Variants in TLK1 observed in about 807,000 individuals in gnomAD.
TLK1 encodes serine/threonine-protein kinase tousled-like 1.
In TLK1, 24 loss-of-function variants were observed where a neutral mutation model predicts 105.3. The ratio of observed to expected loss-of-function variants is 0.23; its 90% CI spans 0.17 to 0.32. The LOEUF (loss-of-function observed/expected upper bound fraction) is 0.32. Among genes scored for constraint, TLK1 ranks in the 10% least tolerant of loss-of-function variants. The probability of loss-of-function intolerance (pLI) is 1.00; values close to 1 mark genes in which losing one functional copy is unlikely to be tolerated. For missense variants in TLK1, 558 were observed against 910.5 expected, an observed-to-expected ratio of 0.61 and a Z score of 4.98; for synonymous variants, 321 against 310.4, an observed-to-expected ratio of 1.03 and a Z score of -0.36.
intron 3 of TLK1, among the ~76,000 whole-genome samples, chr2:171,079,909 C>T (rs942583394): frequency 2.6e-5 from 4 of 151,842 alleles, no homozygotes; most frequent in East Asian, 1.9e-4. Flanking sequence ...AAGAGGGATT[C>T]AACAGAAAAT....
At chr2:171,158,860 C>T (rs1241389687) in intron 1 of TLK1, among the ~76,000 whole-genome samples, 1 of 152,166 alleles carries the variant, frequency 6.6e-6, no homozygotes, top group Non-Finnish European at 1.5e-5. Flanking sequence ...AATGAAAGCT[C>T]AGCGTTGGGA....
At chr2:171,047,171 C>T (rs959093031) in intron 10 of TLK1, among the ~76,000 whole-genome samples, 11 of 152,066 alleles carry the variant, frequency 7.2e-5, no homozygotes, top group Non-Finnish European at 1.0e-4. Flanking sequence ...ATTCTAAAAA[C>T]GAATAGATAC....
chr2:170,999,800 C>A (rs1171599055), intron 18 of TLK1, among the ~76,000 whole-genome samples: 1 of 151,910 alleles, frequency 6.6e-6, no homozygotes, highest in Non-Finnish European at 1.5e-5. Flanking sequence ...CACTGTGTTG[C>A]CCAGGCTGAG....
At chr2:171,157,512 G>GA (rs1692286597) in intron 1 of TLK1, among the ~76,000 whole-genome samples, 1 of 152,182 alleles carries the variant, frequency 6.6e-6, no homozygotes, top group Non-Finnish European at 1.5e-5. Flanking sequence ...CCGAGGGAAA[G>GA]AAATCTATAC....
intron 2 of TLK1, among the ~76,000 whole-genome samples, chr2:171,114,343 C>T (rs1170386098): frequency 6.6e-6 from 1 of 152,146 alleles, no homozygotes; most frequent in Non-Finnish European, 1.5e-5. Context: ...AAGGGTAAGG[C>T]TTTTGAACTG....
chr2:171,178,731 A>G (rs1692876473), intron 1 of TLK1, among the ~76,000 whole-genome samples: 3 of 152,238 alleles, frequency 2.0e-5, no homozygotes, highest in Admixed American at 2.0e-4. Context: ...CTGCTGTAAT[A>G]TATATTGCTC....
chr2:171,071,905 C>T (rs965157389), intron 3 of TLK1, among the ~76,000 whole-genome samples: 2 of 152,108 alleles, frequency 1.3e-5, no homozygotes, highest in Admixed American at 6.6e-5. Context: ...ATATGGATTG[C>T]TATCTGGATT....
intron 1 of TLK1, among the ~76,000 whole-genome samples, chr2:171,181,922 G>A (rs750902947): frequency 2.6e-5 from 4 of 152,128 alleles, no homozygotes; most frequent in African/African-American, 4.8e-5. Flanking sequence ...ATCCAGCTAC[G>A]CCCCACAATC....
chr2:171,002,966 G>C (rs1684456407), intron 18 of TLK1, among the ~76,000 whole-genome samples: 1 of 151,464 alleles, frequency 6.6e-6, no homozygotes. Context: ...AGAGATAAAA[G>C]GGTATTTTGC....
At chr2:171,120,109 C>T (rs1690590620) in intron 1 of TLK1, among the ~76,000 whole-genome samples, 1 of 151,712 alleles carries the variant, frequency 6.6e-6, no homozygotes, top group African/African-American at 2.4e-5. Flanking sequence ...ATTAGCCGAG[C>T]GTGGTGGTGT....
In TLK1 at chr2:171,160,539, G is replaced by C; in HGVS notation, c.-111C>G. 1.3e-6 allele frequency: 2 copies of C among 1,538,930 alleles called. No individual in the cohort carries two copies. Among genetic ancestry groups the C allele is most frequent in the Non-Finnish European group, 1.7e-6 (2 of 1,147,978 alleles). Reference sequence around the variant, plus strand: ...CCGCGCTGAGGGCGAGCGAGAGAGCGAGGGCTGGGAGGGGAGAGTCAAGGG... The same window carrying C: ...CCGCGCTGAGGGCGAGCGAGAGAGCCAGGGCTGGGAGGGGAGAGTCAAGGG... On this transcript the variant is annotated 5_prime_UTR_variant, in exon 1 of 21. Coordinates refer to ENST00000431350, the MANE Select transcript of TLK1 (RefSeq NM_012290.5). The surrounding 1 kb of genome is among the most constrained non-coding windows in gnomAD (Gnocchi z 4.4).
At chr2:171,035,386 C>A (rs1224282152) in intron 11 of TLK1, among the ~76,000 whole-genome samples, 1 of 151,826 alleles carries the variant, frequency 6.6e-6, no homozygotes, top group African/African-American at 2.4e-5. Flanking sequence ...CACAAGCACT[C>A]TTCTCTTGTC....
chr2:171,115,233 G>A (rs183889887), intron 2 of TLK1, among the ~76,000 whole-genome samples: 3 of 139,636 alleles, frequency 2.1e-5, no homozygotes, highest in African/African-American at 8.4e-5. Context: ...GTGCAATGGC[G>A]CCATCTTGGC....
intron 1 of TLK1, among the ~76,000 whole-genome samples, chr2:171,132,494 A>G (rs1006915004): frequency 3.3e-5 from 5 of 152,240 alleles, no homozygotes; most frequent in Admixed American, 2.6e-4. Context: ...ACGTATTTGT[A>G]TAAGTTCACT....
At chr2:171,204,336 C>G (rs1693459812) in intron 1 of TLK1, among the ~76,000 whole-genome samples, 1 of 152,114 alleles carries the variant, frequency 6.6e-6, no homozygotes, top group Admixed American at 6.5e-5. Flanking sequence ...AGTTGGAACC[C>G]CAGTGCGTGC....
chr2:171,143,459 T>TCACAC (rs1227816558), intron 1 of TLK1, among the ~76,000 whole-genome samples: 2 of 118,614 alleles, frequency 1.7e-5, no homozygotes, highest in African/African-American at 3.4e-5. Flanking sequence ...TGAGCCAAGA[T>TCACAC]CACACCACTG....
At chr2:171,077,153 T>C (rs772542433) in intron 3 of TLK1, among the ~76,000 whole-genome samples, 3 of 152,180 alleles carry the variant, frequency 2.0e-5, no homozygotes, top group Admixed American at 1.3e-4. Context: ...CTCACGCTTC[T>C]TTCCTTTCAG....
rs192395235 is a variant in TLK1 at position 171,168,674 on chromosome 2, T to C, written c.-5-50817A>G. Among the ~76,000 whole-genome samples the C allele has an allele frequency of 5.3e-5, 8 of 152,352 alleles. No homozygotes were observed. In the South Asian group the frequency reaches 1.2e-3, roughly 24 times the overall value. On this transcript the variant is annotated intron_variant, in intron 1 of 20. Transcript: ENST00000521943. ...ACAGACTTTAGCTATAGATACAAGA[T>C]AATATAAACACCAATAATGGGAGAT... is the stretch of plus-strand genomic sequence containing the variant.
intron 2 of TLK1, among the ~76,000 whole-genome samples, chr2:171,101,679 G>A (rs748150780): frequency 8.5e-5 from 13 of 152,112 alleles, no homozygotes; most frequent in Non-Finnish European, 1.3e-4. Flanking sequence ...ATTAGTGGAG[G>A]GAAATCAGAA....
Sources: allele counts gnomAD v4.1 joint callset (sites outside exome capture counted in the v4.1 genomes callset), GRCh38; gene constraint gnomAD v4.1.1; non-coding constraint Gnocchi (gnomAD v3.1); transcripts MANE v1.5; gene names NCBI Gene and HGNC (gene_info 2026-07-23, HGNC 2026-07-21).